Variants in OTUB2 observed in about 807,000 individuals in gnomAD.
The protein encoded by OTUB2 is ubiquitin thioesterase OTUB2.
Under a neutral mutation model 25.1 loss-of-function variants are expected in OTUB2, and 21 were observed. That is an observed-to-expected ratio of 0.84 (90% CI 0.59 to 1.21). The LOEUF (loss-of-function observed/expected upper bound fraction) is 1.21. OTUB2 is among the 50% of genes most tolerant of loss of function. OTUB2 has a pLI of 0.00. For synonymous variants in OTUB2, 122 were observed against 122.8 expected, an observed-to-expected ratio of 0.99 and a Z score of 0.04; for missense variants, 283 against 298.0, an observed-to-expected ratio of 0.95 and a Z score of 0.37.
At chr14:94,036,337 C>T (rs1885054257) in intron 1 of OTUB2, among the ~76,000 whole-genome samples, 1 of 152,220 alleles carries the variant, frequency 6.6e-6, no homozygotes, top group South Asian at 2.1e-4. Context: ...TGACCATCCA[C>T]AGTGCTCTAT....
Position 94,046,983 on chromosome 14 carries a change from TTCC to T in OTUB2, c.*1066_*1068del, listed in dbSNP as rs1885290431. The T allele has an allele frequency of 6.6e-6, 1 of 152,344 alleles. No individual in the cohort carries two copies. Among genetic ancestry groups the T allele is most frequent in the Non-Finnish European group, 1.5e-5 (1 of 68,194 alleles). The allele number at this position is 152,344 out of a possible 1,614,324, so 9.4% of individuals were successfully genotyped here. ...CCGCCTGGGAATTCCGGCCAGCAGC[TTCC>T]TCCTTCAGCCACCTGGCCATACCCC... On this transcript the variant is annotated 3_prime_UTR_variant, in exon 6 of 6. Transcript: ENST00000203664.
At chr14:94,041,300 GT>G (rs951410149) in intron 3 of OTUB2, among the ~76,000 whole-genome samples, 26 of 152,248 alleles carry the variant, frequency 1.7e-4, no homozygotes, top group African/African-American at 6.0e-4. Context: ...TTGCGATGCT[GT>G]CTGAAATGTC....
At chr14:94,035,603 G>A (rs903465137) in intron 1 of OTUB2, among the ~76,000 whole-genome samples, 3 of 152,038 alleles carry the variant, frequency 2.0e-5, no homozygotes, top group Non-Finnish European at 4.4e-5. Context: ...CAGTTCTTTA[G>A]GACAATGAAT....
chr14:94,036,750 G>A (rs763332537), intron 1 of OTUB2, among the ~76,000 whole-genome samples: 1 of 152,256 alleles, frequency 6.6e-6, no homozygotes, highest in South Asian at 2.1e-4. Flanking sequence ...GGTAGGTGGT[G>A]CATGAAGATG....
intron 3 of OTUB2, among the ~76,000 whole-genome samples, chr14:94,043,230 G>A (rs964304214): frequency 2.6e-5 from 4 of 152,230 alleles, no homozygotes; most frequent in African/African-American, 9.6e-5. Context: ...TGCTGTCAGA[G>A]CCTCATCTCC....
intron 1 of OTUB2, among the ~76,000 whole-genome samples, chr14:94,036,676 G>A (rs1417066303): frequency 6.6e-6 from 1 of 152,152 alleles, no homozygotes; most frequent in Non-Finnish European, 1.5e-5. Context: ...GCCTGTAGGA[G>A]GCTTGTCTTT....
rs1468869629 is a variant in OTUB2 at position 94,047,844 on chromosome 14, TAGG to T, written c.*1925_*1927del. On this transcript the variant is annotated 3_prime_UTR_variant, in exon 6 of 6. Transcript: ENST00000203664. ...GCAGACTGGCTGGAGAAATTCCCTC[TAGG>T]AGACTTGCCTGTGCTGTGCTTCCAG... The T allele has an allele frequency of 6.6e-6, 1 of 152,206 alleles. No homozygotes were observed. Among genetic ancestry groups the T allele is most frequent in the African/African-American group, 2.4e-5 (1 of 41,434 alleles). The allele number at this position is 152,206 out of a possible 1,614,324, so 9.4% of individuals were successfully genotyped here.
In OTUB2 at chr14:94,033,851, G is replaced by A. The variant is rs76627996; in HGVS notation, c.4-3529G>A. Among the ~76,000 whole-genome samples, 291 of 152,280 alleles carry A rather than the reference G, an allele frequency of 1.9e-3. 1 individual carries two copies. The highest frequency in any genetic ancestry group is 6.8e-3 in the African/African-American group (283 of 41,552). ...CTATGAATATTTGCTGTATTAGCAC[G>A]CAGTATGAGGGCCAAATTAATTGTA... On this transcript the variant is annotated intron_variant, in intron 1 of 5. Transcript: ENST00000203664.
At position 94,044,973 on chromosome 14, in the gene OTUB2, T is replaced by C. The variant is rs554509864; in HGVS notation, c.498+193T>C. ...AGCTGTGTGGCCTGAGGCAAGTCAC[T>C]TCCCCTCTCTGGAGATTTCCCATCT... On this transcript the variant is annotated intron_variant, in intron 5 of 5. Transcript: ENST00000203664. Among the ~76,000 whole-genome samples the C allele has an allele frequency of 5.3e-5, 8 of 152,322 alleles. No homozygotes were observed. In the South Asian group the frequency reaches 1.7e-3, roughly 32 times the overall value.
intron 2 of OTUB2, among the ~76,000 whole-genome samples, 159 bp from the exon 3 acceptor site, chr14:94,038,804 G>C (rs972605401): frequency 2.6e-5 from 4 of 152,226 alleles, no homozygotes; most frequent in African/African-American, 9.6e-5. Context: ...TTTTATATCA[G>C]GGGAATGAAC....
chr14:94,039,909 C>A (rs1212619527), intron 3 of OTUB2, among the ~76,000 whole-genome samples: 1 of 152,114 alleles, frequency 6.6e-6, no homozygotes, highest in East Asian at 1.9e-4. Flanking sequence ...GGTCCCAGAG[C>A]ACTTCTTTGG....
rs143257698 is a variant in OTUB2, at chr14:94,044,592, A to C, written c.310A>C (p.Ser104Arg). ...GAGGGCCGGGCGGGCGCAGTTTTACAGTGTGGTGGAACTGGTAGAGAAGGA... is the reference window on the plus strand; with the variant it reads ...GAGGGCCGGGCGGGCGCAGTTTTACCGTGTGGTGGAACTGGTAGAGAAGGA... ...KFRNFFNAFY[S>R]VVELVEKDGS... is the part of the protein sequence containing the mutation. Residue 104 changes from serine to arginine, a missense_variant, in exon 5 of 6, where the codon AGT becomes CGT. By Grantham distance (110) the Ser-to-Arg change is moderately radical (BLOSUM62 -1). Coordinates refer to ENST00000203664, the MANE Select transcript of OTUB2 (RefSeq NM_023112.4). 8.4e-4 allele frequency: 1,361 copies of C among 1,611,984 alleles called. 10 individuals carry two copies. Among genetic ancestry groups the C allele is most frequent in the Non-Finnish European group, 3.8e-4 (442 of 1,178,554 alleles).
chr14:94,030,816 G>GC (rs370552296), intron 1 of OTUB2, among the ~76,000 whole-genome samples: 3 of 121,242 alleles, frequency 2.5e-5, no homozygotes, highest in African/African-American at 9.0e-5. Context: ...CAGAGTGATG[G>GC]GGAGGGTGGG....
chr14:94,044,465 T>G, intron 4 of OTUB2, 121 bp from the exon 5 acceptor site: 6 of 1,054,418 alleles, frequency 5.7e-6, no homozygotes, highest in Non-Finnish European at 8.1e-6. Flanking sequence ...TAACTCAACC[T>G]GAGAATCTAC....
rs966208390 is a variant in OTUB2 at position 94,038,197 on chromosome 14, A to T, written c.99+722A>T. Among the ~76,000 whole-genome samples, 7 of 152,364 alleles carry T rather than the reference A, an allele frequency of 4.6e-5. No homozygotes were observed. The East Asian group carries it at 1.3e-3, about 29-fold the overall frequency. ...GTCCAGCTTGGGTCAGATGTCCATCAGCAGCCAGGGGTAGTGGTGTGGGCA... is the reference window on the plus strand; with the variant it reads ...GTCCAGCTTGGGTCAGATGTCCATCTGCAGCCAGGGGTAGTGGTGTGGGCA... On this transcript the variant is annotated intron_variant, in intron 2 of 5. Transcript: ENST00000203664.
At chr14:94,041,883 C>A (rs535792969) in intron 3 of OTUB2, among the ~76,000 whole-genome samples, 36 of 152,154 alleles carry the variant, frequency 2.4e-4, no homozygotes, top group Non-Finnish European at 7.3e-5. Context: ...GTGGCCATAG[C>A]CCTGTCACGG....
At chr14:94,039,346 T>C in intron 3 of OTUB2, 2 of 529,222 alleles carry the variant, frequency 3.8e-6, no homozygotes, top group Non-Finnish European at 6.7e-6. Flanking sequence ...TCAGCCCAGG[T>C]GAGTCGCAGG....
At chr14:94,043,867 G>A in intron 3 of OTUB2, 104 bp from the exon 4 acceptor site, 1 of 1,009,682 alleles carries the variant, frequency 9.9e-7, no homozygotes, top group Non-Finnish European at 1.6e-6. Flanking sequence ...CTGGACTAGA[G>A]ATGAGGTTGG....
chr14:94,026,597 G>C lies in OTUB2; in HGVS notation c.3+57G>C, dbSNP rs989571358. ...GCGGGCAGGGGGCGCGGTGGGCGGG[G>C]TCGCTGCCGGAGCGGGTGCACCCGC... On this transcript the variant is annotated intron_variant, in intron 1 of 5. Coordinates refer to ENST00000203664, the MANE Select transcript of OTUB2 (RefSeq NM_023112.4). 3.3e-6 allele frequency: 4 copies of C among 1,197,184 alleles called. No individual in the cohort carries two copies. The African/African-American group carries it at 6.3e-5, about 19-fold the overall frequency. 74.2% of individuals were successfully genotyped at this position (1,197,184 alleles called of 1,614,324 possible).
Sources: gnomAD v4.1 joint callset for allele counts (sites outside exome capture counted in the v4.1 genomes callset) on GRCh38, gnomAD v4.1.1 for gene constraint, MANE v1.5 for transcripts, NCBI Gene and HGNC (gene_info 2026-07-23, HGNC 2026-07-21) for gene names.